The following SEL1L2 variants were observed in gnomAD, a reference collection of about 807,000 sequenced individuals.
The protein encoded by SEL1L2 is SEL1L2 adaptor subunit of SYVN1 ubiquitin ligase.
In SEL1L2, 89 loss-of-function variants were observed where a neutral mutation model predicts 98.8. The observed-to-expected ratio is 0.90, with a 90% confidence interval of 0.76 to 1.07. The LOEUF is 1.07. Among genes scored for constraint, SEL1L2 ranks in the 50% least tolerant of loss-of-function variants. The pLI, the probability that SEL1L2 is intolerant of heterozygous loss-of-function variation, is 0.00. For synonymous variants in SEL1L2, 262 were observed against 278.5 expected, an observed-to-expected ratio of 0.94 and a Z score of 0.59; for missense variants, 788 against 812.0, an observed-to-expected ratio of 0.97 and a Z score of 0.36.
At chr20:13,963,140 AT>A (rs1276765574) in intron 1 of SEL1L2, among the ~76,000 whole-genome samples, 1 of 151,796 alleles carries the variant, frequency 6.6e-6, no homozygotes, top group African/African-American at 2.4e-5. Context: ...ACCAGATCTA[AT>A]TTCTCATGAG....
intron 5 of SEL1L2, among the ~76,000 whole-genome samples, chr20:13,891,040 A>G (rs888330171): frequency 6.6e-6 from 1 of 152,162 alleles, no homozygotes; most frequent in Non-Finnish European, 1.5e-5. Context: ...GGAACAATAT[A>G]TACATTATGA....
intron 15 of SEL1L2, 115 bp downstream of exon 15, chr20:13,866,587 G>A (rs1006536544): frequency 1.1e-6 from 1 of 882,528 alleles, no homozygotes; most frequent in Non-Finnish European, 1.6e-6. Context: ...ATTGTCAACT[G>A]GAAGAAAAGA....
chr20:13,986,233 T>A (rs765434816), intron 1 of SEL1L2, among the ~76,000 whole-genome samples: 1 of 152,222 alleles, frequency 6.6e-6, no homozygotes. Context: ...TGCAACATTT[T>A]AAAAAAAATT....
intron 1 of SEL1L2, among the ~76,000 whole-genome samples, chr20:13,965,693 G>A (rs557246687): frequency 2.6e-5 from 4 of 152,150 alleles, no homozygotes; most frequent in South Asian, 2.1e-4. Flanking sequence ...AGTGGCTCAC[G>A]CCTGTAACCC....
At chr20:13,942,715 T>C (rs559801852) in intron 2 of SEL1L2, among the ~76,000 whole-genome samples, 2 of 152,358 alleles carry the variant, frequency 1.3e-5, no homozygotes, top group African/African-American at 2.4e-5. Context: ...GTTTTAATTA[T>C]GGTTTCTCAT....
intron 5 of SEL1L2, among the ~76,000 whole-genome samples, chr20:13,901,479 A>G (rs1281171193): frequency 6.6e-6 from 1 of 152,126 alleles, no homozygotes; most frequent in African/African-American, 2.4e-5. Context: ...TGAGTGCTTA[A>G]TATGTTATTT....
chr20:13,955,114 A>G (rs1183437834), intron 2 of SEL1L2, among the ~76,000 whole-genome samples: 1 of 152,160 alleles, frequency 6.6e-6, no homozygotes, highest in Non-Finnish European at 1.5e-5. Context: ...GCACTGTTCT[A>G]TTGGCTGGGG....
intron 8 of SEL1L2, among the ~76,000 whole-genome samples, chr20:13,886,974 G>A (rs965228123): frequency 6.6e-6 from 1 of 151,988 alleles, no homozygotes; most frequent in African/African-American, 2.4e-5. Flanking sequence ...ACTTATATCA[G>A]ACTCTACTGA....
At chr20:13,866,452 T>C (rs1206179417) in intron 15 of SEL1L2, among the ~76,000 whole-genome samples, 1 of 152,198 alleles carries the variant, frequency 6.6e-6, no homozygotes, top group Non-Finnish European at 1.5e-5. Flanking sequence ...TAACTGCATG[T>C]TGAGGTGAGC....
At chr20:13,951,943 G>A (rs1309231941) in intron 2 of SEL1L2, among the ~76,000 whole-genome samples, 1 of 151,996 alleles carries the variant, frequency 6.6e-6, no homozygotes, top group Non-Finnish European at 1.5e-5. Flanking sequence ...TTCTAGTTCT[G>A]AGCAATTATC....
intron 12 of SEL1L2, among the ~76,000 whole-genome samples, chr20:13,874,996 C>T (rs1480351388): frequency 1.3e-5 from 2 of 152,178 alleles, no homozygotes; most frequent in African/African-American, 4.8e-5. Flanking sequence ...TCTACTAAGT[C>T]TTATCTGACA....
chr20:13,966,358 G>A (rs1003586625), intron 1 of SEL1L2, among the ~76,000 whole-genome samples: 4 of 151,358 alleles, frequency 2.6e-5, no homozygotes, highest in Non-Finnish European at 4.4e-5. Context: ...TCGCTCTGTC[G>A]CCCAGGCTGG....
chr20:13,960,177 AG>A (rs1371875310), intron 1 of SEL1L2, among the ~76,000 whole-genome samples: 1 of 133,424 alleles, frequency 7.5e-6, no homozygotes, highest in Non-Finnish European at 1.7e-5. Context: ...CAAAGTACAC[AG>A]AATAAAATTA....
At chr20:13,950,295 T>G (rs1456020118) in intron 2 of SEL1L2, among the ~76,000 whole-genome samples, 1 of 152,066 alleles carries the variant, frequency 6.6e-6, no homozygotes, top group African/African-American at 2.4e-5. Context: ...GAGCTGTACA[T>G]TTAAAAATTG....
At chr20:13,936,330 A>T (rs909717684) in intron 2 of SEL1L2, among the ~76,000 whole-genome samples, 2 of 152,148 alleles carry the variant, frequency 1.3e-5, no homozygotes, top group African/African-American at 4.8e-5. Context: ...CCTTTGTAAA[A>T]CTAATGAAAG....
Position 13,849,261 on chromosome 20 carries a change from G to C in SEL1L2, c.*224C>G. 2.1e-6 allele frequency: 1 copy of C among 482,254 alleles called. No individual in the cohort carries two copies. 29.9% of individuals were successfully genotyped at this position (482,254 alleles called of 1,614,324 possible). A position where few individuals can be genotyped will look rare whatever the true frequency, so the allele number is the denominator to read the frequency against. ...ACCAAGATGACAGATTGGTAACAAG[G>C]TCTTAGGTGACCAGTTCCCAGCATC... On this transcript the variant is annotated 3_prime_UTR_variant, in exon 20 of 20. Coordinates refer to ENST00000284951, the MANE Select transcript of SEL1L2 (RefSeq NM_025229.2).
chr20:13,849,910 A>C, intron 19 of SEL1L2: 1 of 542,286 alleles, frequency 1.8e-6, no homozygotes, highest in Non-Finnish European at 3.3e-6. Context: ...TGTTTTGAAG[A>C]AGTATATATA....
intron 2 of SEL1L2, among the ~76,000 whole-genome samples, chr20:13,954,056 T>A (rs1240483627): frequency 6.6e-6 from 1 of 152,060 alleles, no homozygotes; most frequent in East Asian, 1.9e-4. Context: ...TTTTCATGTG[T>A]GTATGTGTGT....
upstream of SEL1L2, among the ~76,000 whole-genome samples, chr20:13,993,590 G>A (rs1025669053): frequency 1.3e-5 from 2 of 152,192 alleles, no homozygotes; most frequent in Non-Finnish European, 2.9e-5. Context: ...AATCAATAGT[G>A]TAATGTTCCT....
Sources: gnomAD v4.1 joint callset for allele counts (sites outside exome capture counted in the v4.1 genomes callset) on GRCh38, gnomAD v4.1.1 for gene constraint, MANE v1.5 for transcripts, NCBI Gene and HGNC (gene_info 2026-07-23, HGNC 2026-07-21) for gene names.